Variants in THSD7A observed in about 807,000 individuals in gnomAD.
The protein encoded by THSD7A is thrombospondin type 1 domain containing 7A.
THSD7A carries 96 observed loss-of-function variants against 231.3 expected under a neutral mutation model. The observed-to-expected ratio is 0.41, with a 90% CI of 0.35 to 0.49. The LOEUF is 0.49. THSD7A is among the 20% of genes least tolerant of loss of function. THSD7A has a pLI of 0.05. For missense variants in THSD7A, 2,290 were observed against 2,070.2 expected (o/e 1.11, Z -2.06); for synonymous variants, 940 against 743.3 (o/e 1.26, Z -4.30).
intron 2 of THSD7A, among the ~76,000 whole-genome samples, chr7:11,626,996 T>C (rs374698137): frequency 6.6e-6 from 1 of 152,172 alleles, no homozygotes; most frequent in East Asian, 1.9e-4. Context: ...TTGGCTTCAG[T>C]TGAATTCCTG....
intron 8 of THSD7A, among the ~76,000 whole-genome samples, chr7:11,471,979 G>T (rs551819188): frequency 6.6e-6 from 1 of 152,222 alleles, no homozygotes; most frequent in South Asian, 2.1e-4. Context: ...ATAAATCAAT[G>T]AAATTTACAA....
chr7:11,507,580 C>G (rs1787605570), intron 6 of THSD7A, among the ~76,000 whole-genome samples: 1 of 143,292 alleles, frequency 7.0e-6, no homozygotes, highest in Non-Finnish European at 1.5e-5. Context: ...AGTTCACTGA[C>G]TCTTCCATGA....
Position 11,636,802 on chromosome 7 carries a change from C to T in THSD7A, c.350G>A (p.Trp117Ter). Residue 117 changes from tryptophan (W) to a stop codon, truncating the protein, a stop_gained, in exon 2 of 28, where the codon TGG (tryptophan) becomes TAG (stop). Coordinates refer to ENST00000423059, the MANE Select transcript of THSD7A (RefSeq NM_015204.3). LOFTEE classifies it high-confidence loss of function. This position sits in a 1 kb window ranked among gnomAD's most constrained non-coding sequence, Gnocchi z 10.0. ...TCTCCAGTCGTACAACTCTTTGTGC[C>T]AATCGCAAACTTTGAAACAATTCTG... is the stretch of plus-strand genomic sequence containing the variant. ...NQQNCFKVCDWHKELYDWRLG... is the reference protein window; with the variant it reads ...NQQNCFKVCD 1 of 1,613,930 alleles carries T rather than the reference C, an allele frequency of 6.2e-7. No individual in the cohort carries two copies. Among genetic ancestry groups the T allele is most frequent in the Non-Finnish European group, 8.5e-7 (1 of 1,179,892 alleles).
chr7:11,658,913 T>C (rs1782812181), intron 1 of THSD7A, among the ~76,000 whole-genome samples: 2 of 151,722 alleles, frequency 1.3e-5, no homozygotes. Flanking sequence ...AGAATAAATA[T>C]AGTGTATGCC....
intron 2 of THSD7A, among the ~76,000 whole-genome samples, chr7:11,594,389 A>G (rs1380438638): frequency 6.6e-6 from 1 of 152,184 alleles, no homozygotes; most frequent in Non-Finnish European, 1.5e-5. Flanking sequence ...TTAAGGATGG[A>G]ATTCTTTCAT....
At position 11,407,073 on chromosome 7, in the gene THSD7A, T is replaced by G. The variant is rs1783609944; in HGVS notation, c.3917-18A>C. ...CATTTTTCCTTGAAGAGATACAAAG[T>G]GATGCACCTTTAATATATGTTATGG... On this transcript the variant is annotated intron_variant, in intron 20 of 27. Transcript: ENST00000423059. 1.2e-6 allele frequency: 2 copies of G among 1,612,808 alleles called. No homozygotes were observed. Among genetic ancestry groups the G allele is most frequent in the South Asian group, 2.2e-5 (2 of 90,824 alleles).
intron 13 of THSD7A, among the ~76,000 whole-genome samples, chr7:11,441,073 GA>G (rs899456869): frequency 5.9e-5 from 9 of 151,796 alleles, no homozygotes; most frequent in Admixed American, 1.3e-4. Context: ...TCTTTATCTG[GA>G]AAAAAATCAT....
intron 1 of THSD7A, among the ~76,000 whole-genome samples, chr7:11,654,611 T>C (rs1782639499): frequency 6.6e-6 from 1 of 151,982 alleles, no homozygotes; most frequent in East Asian, 1.9e-4. Flanking sequence ...ATTAAATTTC[T>C]ATGTGTGGGA....
Position 11,539,395 on chromosome 7 carries a change from G to T in THSD7A, c.1822+2024C>A, listed in dbSNP as rs1483683782. On this transcript the variant is annotated intron_variant, in intron 6 of 27. Coordinates refer to ENST00000423059, the MANE Select transcript of THSD7A (RefSeq NM_015204.3). ...ATGTCAGGAAATAAAATTTAATGGT[G>T]GAAAAGATGTCCTGTAAAGGACAAT... 2.6e-5 allele frequency among the ~76,000 whole-genome samples: 4 copies of T among 152,246 alleles called. No homozygotes were observed. The East Asian group carries it at 7.7e-4, about 29-fold the overall frequency.
At chr7:11,724,154 GA>G (rs933496238) in intron 1 of THSD7A, among the ~76,000 whole-genome samples, 12 of 151,912 alleles carry the variant, frequency 7.9e-5, no homozygotes, top group African/African-American at 1.9e-4. Flanking sequence ...GAGTAAGAGA[GA>G]TCAAGAATGT....
intron 1 of THSD7A, among the ~76,000 whole-genome samples, chr7:11,690,571 G>A (rs1175940567): frequency 6.6e-6 from 1 of 151,638 alleles, no homozygotes; most frequent in African/African-American, 2.4e-5. Context: ...TATTTTGGAA[G>A]GTGTAAGCTT....
chr7:11,622,007 A>G (rs1325417841), intron 2 of THSD7A, among the ~76,000 whole-genome samples: 1 of 152,170 alleles, frequency 6.6e-6, no homozygotes, highest in Non-Finnish European at 1.5e-5. Flanking sequence ...CATATTAGTG[A>G]TATTTGGATG....
chr7:11,528,386 T>A (rs1387458463), intron 6 of THSD7A, among the ~76,000 whole-genome samples: 1 of 152,168 alleles, frequency 6.6e-6, no homozygotes, highest in Admixed American at 6.5e-5. Flanking sequence ...ATGTTCATCC[T>A]TAAAGCGATT....
chr7:11,785,503 CATA>C (rs894796703), intron 1 of THSD7A, among the ~76,000 whole-genome samples: 1 of 152,088 alleles, frequency 6.6e-6, no homozygotes, highest in Non-Finnish European at 1.5e-5. Context: ...GGAGGTTTCT[CATA>C]ATATGTGGTG....
intron 2 of THSD7A, among the ~76,000 whole-genome samples, chr7:11,595,152 T>G (rs1250575482): frequency 6.6e-6 from 1 of 152,142 alleles, no homozygotes; most frequent in Non-Finnish European, 1.5e-5. Flanking sequence ...CAAGATAATG[T>G]TGATTCTCCT....
intron 1 of THSD7A, among the ~76,000 whole-genome samples, chr7:11,766,296 T>A (rs1281728860): frequency 4.6e-5 from 7 of 152,202 alleles, no homozygotes; most frequent in African/African-American, 1.2e-4. Flanking sequence ...GGTCACTCAA[T>A]CTAGTTTTGT....
Position 11,417,466 on chromosome 7 carries a change from C to G in THSD7A, c.3521G>C (p.Trp1174Ser). 3 of 1,604,400 alleles carry G rather than the reference C, an allele frequency of 1.9e-6. No homozygotes were observed. Among genetic ancestry groups the G allele is most frequent in the Non-Finnish European group, 2.5e-6 (3 of 1,177,348 alleles). ...EDCVISEWGP[W>S]TQCVLPCNQS... ...TCATCTCACCAAAACACATTGGGTC[C>G]ATGGACCCCATTCAGATATCACACA... Residue 1174 changes from tryptophan to serine, a missense_variant, in exon 17 of 28, where the codon TGG becomes TCG. Coordinates refer to ENST00000423059, the MANE Select transcript of THSD7A (RefSeq NM_015204.3).
chr7:11,688,297 T>C (rs1780124700), intron 1 of THSD7A, among the ~76,000 whole-genome samples: 1 of 151,750 alleles, frequency 6.6e-6, no homozygotes, highest in African/African-American at 2.4e-5. Flanking sequence ...TTCTAAACAG[T>C]ACTAATGCCT....
rs943517219 is a variant in THSD7A, at chr7:11,814,001, G to A, written c.190+17756C>T. On this transcript the variant is annotated intron_variant, in intron 1 of 27. Coordinates refer to ENST00000423059, the MANE Select transcript of THSD7A (RefSeq NM_015204.3). This position sits in a 1 kb window ranked among gnomAD's most constrained non-coding sequence, Gnocchi z 5.1. ...GGAATTCTAATACATGTAAAACATGGATGGACTTTGAAAACATGATGCGAA... is the reference window on the plus strand; with the variant it reads ...GGAATTCTAATACATGTAAAACATGAATGGACTTTGAAAACATGATGCGAA... Among the ~76,000 whole-genome samples, 16 of 152,226 alleles carry A rather than the reference G, an allele frequency of 1.1e-4. No individual in the cohort carries two copies. Among genetic ancestry groups the A allele is most frequent in the African/African-American group, 3.9e-4 (16 of 41,546 alleles).
Sources: gnomAD v4.1 joint callset for allele counts (sites outside exome capture counted in the v4.1 genomes callset) on GRCh38, gnomAD v4.1.1 for gene constraint, Gnocchi (gnomAD v3.1) non-coding constraint, MANE v1.5 for transcripts, NCBI Gene and HGNC (gene_info 2026-07-23, HGNC 2026-07-21) for gene names.